The following FAM107A variants were observed in gnomAD, a reference collection of about 807,000 sequenced individuals.
The protein encoded by FAM107A is family with sequence similarity 107 member A.
FAM107A carries 19 observed loss-of-function variants against 13.7 expected under a neutral mutation model. The observed-to-expected ratio is 1.38, with a 90% confidence interval of 0.97 to 2.03. FAM107A has a LOEUF of 2.03. Ranked by LOEUF, FAM107A falls within the 30% of genes most tolerant of loss-of-function variation. FAM107A has a pLI of 0.00. For synonymous variants in FAM107A, 82 were observed against 74.5 expected (o/e 1.10, Z -0.52); for missense variants, 203 against 184.4 (o/e 1.10, Z -0.58).
At chr3:58,587,143 C>G (rs1332309459), upstream of FAM107A, 12 of 1,345,086 alleles carry the variant, frequency 8.9e-6, no homozygotes, top group African/African-American at 1.5e-4. Flanking sequence ...GGCAGGTGTC[C>G]GCGCCCAGGT....
upstream of FAM107A, among the ~76,000 whole-genome samples, chr3:58,578,578 AAAAC>A (rs1292702185): frequency 2.6e-5 from 4 of 152,240 alleles, no homozygotes; most frequent in African/African-American, 7.2e-5. Flanking sequence ...AAAAACCCAA[AAAAC>A]AAACAAACAA....
intron 1 of FAM107A, among the ~76,000 whole-genome samples, chr3:58,586,064 C>A (rs2108061456): frequency 6.6e-6 from 1 of 152,340 alleles, no homozygotes; most frequent in Non-Finnish European, 1.5e-5. Flanking sequence ...GGCAGTTGCT[C>A]TCCTAGATCT....
At chr3:58,568,613 C>G (rs1480192234) in intron 2 of FAM107A, among the ~76,000 whole-genome samples, 2 of 150,624 alleles carry the variant, frequency 1.3e-5, no homozygotes, top group African/African-American at 2.4e-5. Flanking sequence ...AAAAACCATT[C>G]AGAGAAAATG....
rs930751162 is a variant in FAM107A, at chr3:58,611,230, A to G, written c.-70+16186T>C. Among the ~76,000 whole-genome samples, 11 of 151,782 alleles carry G rather than the reference A, an allele frequency of 7.2e-5. No individual in the cohort carries two copies. In the South Asian group the frequency reaches 1.0e-3, roughly 14 times the overall value. ...GTCTCTGGTATCTCTTCATAGCAGC[A>G]TGAGAATGAACTAATACAAGCTCCA... is the stretch of plus-strand genomic sequence containing the variant. On this transcript the variant is annotated intron_variant, in intron 1 of 3. Coordinates refer to the FAM107A transcript ENST00000465970.
chr3:58,587,631 G>A (rs2065622276), upstream of FAM107A, among the ~76,000 whole-genome samples: 1 of 151,916 alleles, frequency 6.6e-6, no homozygotes, highest in Non-Finnish European at 1.5e-5. Context: ...GTCTTTGCTG[G>A]GTGTGAAGGT....
At chr3:58,591,274 G>A (rs530824023), upstream of FAM107A, among the ~76,000 whole-genome samples, 7 of 152,312 alleles carry the variant, frequency 4.6e-5, no homozygotes, top group African/African-American at 1.7e-4. The surrounding 1 kb of genome is among the most constrained non-coding windows in gnomAD (Gnocchi z 4.3). Context: ...TAGATGCTCA[G>A]TTCAGACAGG....
At position 58,567,310 on chromosome 3, in the gene FAM107A, C is replaced by T; in HGVS notation, c.225G>A (p.Arg75=). ...TCTTCTTCTTGATGAGCTGGTTCCG[C>T]CGGCGGTGCTCTAGGACACGCTGCA... ...PELQRVLEHR[R]RNQLIKKKKE... is the part of the protein sequence containing the mutation. Residue 75 remains arginine (R), a synonymous_variant, in exon 3 of 4, where the codon CGG becomes CGA. Transcript: ENST00000360997. 6.2e-7 allele frequency: 1 copy of T among 1,612,966 alleles called. No individual in the cohort carries two copies. The highest frequency in any genetic ancestry group is 8.5e-7 in the Non-Finnish European group (1 of 1,179,686).
intron 1 of FAM107A, among the ~76,000 whole-genome samples, chr3:58,585,968 A>G (rs192474365): frequency 6.6e-6 from 1 of 152,350 alleles, no homozygotes; most frequent in Admixed American, 6.5e-5. Flanking sequence ...TGGAAGAGAA[A>G]AAGCACCTAT....
intron 1 of FAM107A, among the ~76,000 whole-genome samples, chr3:58,572,951 T>C (rs928116836): frequency 1.3e-5 from 2 of 152,220 alleles, no homozygotes; most frequent in African/African-American, 4.8e-5. Flanking sequence ...ACTCCTTTTT[T>C]ATTTTGCACT....
chr3:58,593,665 A>G (rs1316330430), intron 1 of FAM107A, among the ~76,000 whole-genome samples: 1 of 151,304 alleles, frequency 6.6e-6, no homozygotes, highest in Non-Finnish European at 1.5e-5. Flanking sequence ...CCTCTAACAT[A>G]CTATCAATCT....
chr3:58,572,572 C>T (rs553215308), intron 1 of FAM107A, among the ~76,000 whole-genome samples: 7 of 152,200 alleles, frequency 4.6e-5, no homozygotes, highest in South Asian at 2.1e-4. Context: ...ACTGGGAGAG[C>T]GCCTGGAGTG....
In FAM107A at chr3:58,604,290, G is replaced by A. The variant is rs1222004343; in HGVS notation, c.-69-15021C>T. On this transcript the variant is annotated intron_variant, in intron 1 of 3. Transcript: ENST00000465970. This position sits in a 1 kb window ranked among gnomAD's most constrained non-coding sequence, Gnocchi z 4.1. ...ACTTGGGAGAGTGACATCCCAACTC[G>A]TGCTCCCTCCAGAGCATTAAACGCA... Among the ~76,000 whole-genome samples, 1 of 152,016 alleles carries A rather than the reference G, an allele frequency of 6.6e-6. No homozygotes were observed. Among genetic ancestry groups the A allele is most frequent in the Non-Finnish European group, 1.5e-5 (1 of 68,014 alleles).
chr3:58,593,770 G>A (rs561745879), intron 1 of FAM107A, among the ~76,000 whole-genome samples: 4 of 151,926 alleles, frequency 2.6e-5, no homozygotes, highest in Non-Finnish European at 5.9e-5. Flanking sequence ...AGCCGTCCGC[G>A]CCCTACAGGT....
intron 1 of FAM107A, among the ~76,000 whole-genome samples, chr3:58,582,891 C>T (rs148211011): frequency 0.019 from 2,901 of 152,234 alleles, 81 homozygotes; most frequent in African/African-American, 0.066. Flanking sequence ...CTCTGCCTCC[C>T]GGGTTCAAGT....
intron 1 of FAM107A, among the ~76,000 whole-genome samples, chr3:58,593,574 G>A (rs2065672469): frequency 6.9e-6 from 1 of 144,478 alleles, no homozygotes; most frequent in Non-Finnish European, 1.5e-5. Context: ...CTATCCTGAC[G>A]AAGTCCTTTT....
At chr3:58,615,961 T>C (rs1332792083) in intron 1 of FAM107A, among the ~76,000 whole-genome samples, 1 of 144,424 alleles carries the variant, frequency 6.9e-6, no homozygotes, top group East Asian at 2.0e-4. Flanking sequence ...GAGTCAATCA[T>C]GAGGAGACCT....
At chr3:58,587,122 G>A (rs1224931046), upstream of FAM107A, 8 of 1,371,424 alleles carry the variant, frequency 5.8e-6, no homozygotes, top group African/African-American at 3.1e-5. Context: ...AAGGAGGGGG[G>A]CAGGGGCCAG....
chr3:58,582,131 T>C (rs968725788), upstream of FAM107A, among the ~76,000 whole-genome samples: 3 of 152,246 alleles, frequency 2.0e-5, no homozygotes, highest in African/African-American at 7.2e-5. Flanking sequence ...AGTTGCTAGA[T>C]GTACCAAATA....
chr3:58,570,229 T>G, intron 1 of FAM107A: 3 of 349,916 alleles, frequency 8.6e-6, no homozygotes, highest in Non-Finnish European at 1.2e-5. Flanking sequence ...TGTTTTTCAA[T>G]GAGCTTGTAA....
Sources: gnomAD v4.1 joint callset for allele counts (sites outside exome capture counted in the v4.1 genomes callset) on GRCh38, gnomAD v4.1.1 for gene constraint, Gnocchi (gnomAD v3.1) non-coding constraint, MANE v1.5 for transcripts, NCBI Gene and HGNC (gene_info 2026-07-23, HGNC 2026-07-21) for gene names.